The following IL1RAPL2 variants were observed in gnomAD, a reference collection of about 807,000 sequenced individuals.
IL1RAPL2 encodes X-linked interleukin-1 receptor accessory protein-like 2.
Under a neutral mutation model 44.1 loss-of-function variants are expected in IL1RAPL2, and 3 were observed. That is an observed-to-expected ratio of 0.07 (90% CI 0.03 to 0.18). The LOEUF is 0.18. Among genes scored for constraint, IL1RAPL2 ranks in the 10% least tolerant of loss-of-function variants. The pLI is 1.00. For synonymous variants in IL1RAPL2, 181 were observed against 178.8 expected (o/e 1.01, Z -0.10); for missense variants, 391 against 496.4 (o/e 0.79, Z 2.02).
chrX:104,910,041 A>T (rs1028933320), intron 2 of IL1RAPL2, among the ~76,000 whole-genome samples: 2 of 112,371 alleles, frequency 1.8e-5, no homozygotes, highest in African/African-American at 6.5e-5. Context: ...CCAGGTGGGG[A>T]ATATAATCTC....
At chrX:105,013,276 T>C (rs1436060006) in intron 2 of IL1RAPL2, among the ~76,000 whole-genome samples, 1 of 110,688 alleles carries the variant, frequency 9.0e-6, no homozygotes, top group Non-Finnish European at 1.9e-5. Context: ...TTGAGTGAGA[T>C]CTCTGGCTTG....
intron 2 of IL1RAPL2, among the ~76,000 whole-genome samples, chrX:105,162,977 GCAAACATT>G (rs2033339842): frequency 9.0e-6 from 1 of 111,379 alleles, no homozygotes; most frequent in Admixed American, 9.6e-5. Flanking sequence ...TTGGAGAGAC[GCAAACATT>G]CAAACCATAG....
chrX:105,470,590 G>T (rs1388220246), intron 5 of IL1RAPL2, among the ~76,000 whole-genome samples: 3 of 111,780 alleles, frequency 2.7e-5, no homozygotes, highest in African/African-American at 9.7e-5. Context: ...TTTCCTTTTT[G>T]GCTTTGCATA....
chrX:105,358,674 C>CAAA lies in IL1RAPL2; in HGVS notation c.697+91143_697+91145dup, dbSNP rs66659226. On this transcript the variant is annotated intron_variant, in intron 5 of 10. Coordinates refer to ENST00000372582, the MANE Select transcript of IL1RAPL2 (RefSeq NM_017416.2). ...TGGGCAATAGAGTGAGACCCTGTCT[C>CAAA]AAAAAAAAAAAACACAACAACAACA... 2.6e-3 allele frequency among the ~76,000 whole-genome samples: 78 copies of CAAA among 29,531 alleles called. 1 individual carries two copies. The highest frequency in any genetic ancestry group is 4.8e-3 in the African/African-American group (77 of 16,208). 25.6% of individuals were successfully genotyped at this position (29,531 alleles called of 115,157 possible).
intron 2 of IL1RAPL2, among the ~76,000 whole-genome samples, chrX:104,945,772 C>A (rs1925328883): frequency 1.8e-5 from 2 of 112,011 alleles, no homozygotes; most frequent in African/African-American, 3.2e-5. Context: ...TGTCCTATTG[C>A]AATAAGTACA....
intron 7 of IL1RAPL2, among the ~76,000 whole-genome samples, chrX:105,727,318 A>T (rs959340494): frequency 3.6e-5 from 4 of 111,981 alleles, no homozygotes; most frequent in African/African-American, 1.3e-4. Flanking sequence ...CAATTCCACT[A>T]ACCAAGATTT....
intron 4 of IL1RAPL2, 101 bp from the exon 5 acceptor site, chrX:105,267,287 A>G (rs2034410325): frequency 1.3e-6 from 1 of 744,904 alleles, no homozygotes; most frequent in Admixed American, 3.2e-5. Context: ...TTTGAAAACG[A>G]AAGAGAATAA....
chrX:105,112,831 C>T (rs1271811748), intron 2 of IL1RAPL2, among the ~76,000 whole-genome samples: 1 of 112,685 alleles, frequency 8.9e-6, no homozygotes, highest in Non-Finnish European at 1.9e-5. Flanking sequence ...ATGTAGCTTT[C>T]TTGGTGCCCT....
intron 6 of IL1RAPL2, among the ~76,000 whole-genome samples, chrX:105,689,229 A>T (rs1437481234): frequency 8.9e-6 from 1 of 111,983 alleles, no homozygotes; most frequent in Non-Finnish European, 1.9e-5. Context: ...AATGGGATCT[A>T]ATTAAACTAA....
chrX:105,276,489 G>A (rs979514547), intron 5 of IL1RAPL2, among the ~76,000 whole-genome samples: 1 of 112,581 alleles, frequency 8.9e-6, no homozygotes, highest in Non-Finnish European at 1.9e-5. Context: ...TGGACCAGGT[G>A]TGTGAAGCAA....
chrX:105,122,314 A>G (rs1047120207), intron 2 of IL1RAPL2, among the ~76,000 whole-genome samples: 39 of 111,940 alleles, frequency 3.5e-4, no homozygotes, highest in Non-Finnish European at 6.8e-4. Flanking sequence ...TCTTAGAGGG[A>G]ATTTTAAATG....
At chrX:104,965,186 T>C (rs749281029) in intron 2 of IL1RAPL2, among the ~76,000 whole-genome samples, 2 of 111,541 alleles carry the variant, frequency 1.8e-5, no homozygotes, top group Non-Finnish European at 3.8e-5. Flanking sequence ...CTATACATGG[T>C]GTTGATTTGG....
chrX:105,204,241 C>G (rs551142771), intron 3 of IL1RAPL2, among the ~76,000 whole-genome samples: 11 of 111,691 alleles, frequency 9.8e-5, no homozygotes, highest in Middle Eastern at 4.6e-3. Context: ...GCAACTGGCC[C>G]AATTCCAGCT....
intron 5 of IL1RAPL2, among the ~76,000 whole-genome samples, chrX:105,483,115 G>A (rs1162150890): frequency 9.4e-6 from 1 of 106,013 alleles, no homozygotes; most frequent in Non-Finnish European, 1.9e-5. Context: ...CCCACACACT[G>A]CAGCATTGTT....
chrX:104,724,433 G>A (rs1602698301), intron 2 of IL1RAPL2, among the ~76,000 whole-genome samples: 1 of 111,432 alleles, frequency 9.0e-6, no homozygotes, highest in African/African-American at 3.3e-5. Flanking sequence ...CATGCACATT[G>A]TGCACATGTA....
intron 8 of IL1RAPL2, 141 bp from the exon 9 acceptor site, chrX:105,748,819 C>G: frequency 2.1e-6 from 1 of 473,252 alleles, no homozygotes; most frequent in East Asian, 3.7e-5. Context: ...ACAAATGTAT[C>G]AAGAGCAAAG....
chrX:105,318,131 C>G (rs1240012415), intron 5 of IL1RAPL2, among the ~76,000 whole-genome samples: 1 of 110,590 alleles, frequency 9.0e-6, no homozygotes, highest in African/African-American at 3.3e-5. Flanking sequence ...CGCCACCACG[C>G]CTGGCTAATT....
chrX:104,923,276 A>G (rs1924691645), intron 2 of IL1RAPL2, among the ~76,000 whole-genome samples: 1 of 112,169 alleles, frequency 8.9e-6, no homozygotes, highest in Admixed American at 9.5e-5. Context: ...CTTCCTAGAG[A>G]TGCAAACACC....
intron 5 of IL1RAPL2, among the ~76,000 whole-genome samples, chrX:105,371,738 T>C (rs2035342317): frequency 8.9e-6 from 1 of 112,366 alleles, no homozygotes; most frequent in Non-Finnish European, 1.9e-5. Flanking sequence ...ACTTTTATAG[T>C]AAACTGAGAG....
Sources: gnomAD v4.1 joint callset for allele counts (sites outside exome capture counted in the v4.1 genomes callset) on GRCh38, gnomAD v4.1.1 for gene constraint, MANE v1.5 for transcripts, NCBI Gene and HGNC (gene_info 2026-07-23, HGNC 2026-07-21) for gene names.